The following SPOCK1 variants were observed in gnomAD, a reference collection of about 807,000 sequenced individuals.
SPOCK1 encodes the protein SPARC (osteonectin), cwcv and kazal like domains proteoglycan 1.
SPOCK1 carries 23 observed loss-of-function variants against 55.3 expected under a neutral mutation model. The ratio of observed to expected loss-of-function variants is 0.42; its 90% CI spans 0.30 to 0.59. SPOCK1 has a LOEUF of 0.59. Among genes scored for constraint, SPOCK1 ranks in the 20% least tolerant of loss-of-function variants. The pLI is 0.22. For synonymous variants in SPOCK1, 226 were observed against 221.0 expected (o/e 1.02, Z -0.20); for missense variants, 499 against 552.5 (o/e 0.90, Z 0.97).
chr5:137,087,150 G>A (rs996231744), intron 5 of SPOCK1, among the ~76,000 whole-genome samples: 1 of 152,206 alleles, frequency 6.6e-6, no homozygotes, highest in Non-Finnish European at 1.5e-5. Flanking sequence ...GAATGGTGAA[G>A]GGAGCCAGGC....
At chr5:137,169,202 T>TG (rs1754702262) in intron 3 of SPOCK1, among the ~76,000 whole-genome samples, 2 of 151,754 alleles carry the variant, frequency 1.3e-5, no homozygotes, top group Admixed American at 1.3e-4. Flanking sequence ...TGTGAGGGGT[T>TG]GGGGGGAAGT....
At chr5:137,425,390 G>A (rs979396046) in intron 2 of SPOCK1, among the ~76,000 whole-genome samples, 3 of 151,754 alleles carry the variant, frequency 2.0e-5, no homozygotes, top group South Asian at 2.1e-4. Flanking sequence ...TCTGTGTCAC[G>A]TCAAACATCC....
rs1484951338 is a variant in SPOCK1 at position 137,076,359 on chromosome 5, G to A, written c.475-8530C>T. Reference sequence around the variant, plus strand: ...TTGACTAGAGCCTAGCATATCACAAGTACAGGTGCTCCTGAACTTACTATG... The same window carrying A: ...TTGACTAGAGCCTAGCATATCACAAATACAGGTGCTCCTGAACTTACTATG... On this transcript the variant is annotated intron_variant, in intron 5 of 10. Transcript: ENST00000394945. 6.6e-5 allele frequency among the ~76,000 whole-genome samples: 10 copies of A among 152,282 alleles called. 1 individual carries two copies. The Middle Eastern group carries it at 0.02, about 311-fold the overall frequency.
intron 3 of SPOCK1, among the ~76,000 whole-genome samples, chr5:137,226,345 T>C (rs1755946780): frequency 6.6e-6 from 1 of 152,188 alleles, no homozygotes; most frequent in Admixed American, 6.5e-5. Flanking sequence ...ACCAAACTAA[T>C]CTGTTTAACA....
At chr5:137,023,930 T>C (rs1028153109) in intron 6 of SPOCK1, among the ~76,000 whole-genome samples, 3 of 151,514 alleles carry the variant, frequency 2.0e-5, no homozygotes, top group Non-Finnish European at 4.4e-5. Flanking sequence ...CATGGTGAAA[T>C]TGGATCTAAT....
At chr5:137,351,742 T>C (rs1561512278) in intron 2 of SPOCK1, among the ~76,000 whole-genome samples, 1 of 152,354 alleles carries the variant, frequency 6.6e-6, no homozygotes, top group Admixed American at 6.5e-5. Context: ...CCACCTTTCA[T>C]GCATCCTTTA....
At chr5:137,466,748 TA>T (rs1245771412) in intron 2 of SPOCK1, among the ~76,000 whole-genome samples, 1 of 152,228 alleles carries the variant, frequency 6.6e-6, no homozygotes, top group African/African-American at 2.4e-5. Flanking sequence ...CATTTGTAGC[TA>T]AAAACCTAAC....
At chr5:137,344,371 G>A (rs1322547267) in intron 2 of SPOCK1, among the ~76,000 whole-genome samples, 2 of 152,214 alleles carry the variant, frequency 1.3e-5, no homozygotes, top group Admixed American at 6.5e-5. Flanking sequence ...TCACATTTGC[G>A]TGAATAACCT....
chr5:137,064,891 C>A (rs941548546), intron 6 of SPOCK1, among the ~76,000 whole-genome samples: 1 of 152,120 alleles, frequency 6.6e-6, no homozygotes, highest in Non-Finnish European at 1.5e-5. Context: ...CTCACTCCCC[C>A]AAATGTGTTC....
At chr5:137,315,663 T>C (rs1180078450) in intron 2 of SPOCK1, among the ~76,000 whole-genome samples, 1 of 152,170 alleles carries the variant, frequency 6.6e-6, no homozygotes, top group East Asian at 1.9e-4. Flanking sequence ...TTATTTGCCA[T>C]CTTCTCCTCT....
At chr5:137,296,051 C>T (rs544499741) in intron 2 of SPOCK1, among the ~76,000 whole-genome samples, 2 of 152,216 alleles carry the variant, frequency 1.3e-5, no homozygotes, top group East Asian at 1.9e-4. Flanking sequence ...GGGATTAGTG[C>T]CCTCATAAAA....
At chr5:137,031,712 C>T (rs1751782713) in intron 6 of SPOCK1, among the ~76,000 whole-genome samples, 1 of 152,136 alleles carries the variant, frequency 6.6e-6, no homozygotes, top group African/African-American at 2.4e-5. Context: ...TTATCAGACC[C>T]TGTTTTTTAA....
intron 5 of SPOCK1, among the ~76,000 whole-genome samples, chr5:137,109,636 C>T (rs1046645729): frequency 5.3e-5 from 8 of 152,088 alleles, no homozygotes; most frequent in South Asian, 2.1e-4. Flanking sequence ...CCTGCTTAGA[C>T]GGTTTCAATA....
intron 3 of SPOCK1, among the ~76,000 whole-genome samples, chr5:137,246,960 TG>T (rs1756407261): frequency 1.3e-5 from 2 of 152,098 alleles, no homozygotes; most frequent in Non-Finnish European, 2.9e-5. Context: ...TCTCCGCGGG[TG>T]GAGCCCAGGA....
At chr5:137,324,404 C>T (rs1343742522) in intron 2 of SPOCK1, among the ~76,000 whole-genome samples, 1 of 152,072 alleles carries the variant, frequency 6.6e-6, no homozygotes, top group Non-Finnish European at 1.5e-5. Context: ...AAGATCACAC[C>T]ACTGCACTCC....
chr5:136,993,503 A>G (rs1335214746), intron 6 of SPOCK1, among the ~76,000 whole-genome samples: 1 of 152,194 alleles, frequency 6.6e-6, no homozygotes, highest in Non-Finnish European at 1.5e-5. Flanking sequence ...TAGAGAACCC[A>G]GCAATGCATT....
intron 3 of SPOCK1, among the ~76,000 whole-genome samples, chr5:137,156,092 T>C (rs1168675925): frequency 6.6e-6 from 1 of 152,080 alleles, no homozygotes; most frequent in African/African-American, 2.4e-5. Flanking sequence ...CCAGATAGGG[T>C]AGCACCACAA....
intron 2 of SPOCK1, among the ~76,000 whole-genome samples, chr5:137,468,899 T>G (rs1753676378): frequency 6.6e-6 from 1 of 152,162 alleles, no homozygotes; most frequent in African/African-American, 2.4e-5. Flanking sequence ...TGCCGACAAC[T>G]GTCCCCTCAC....
chr5:137,398,758 G>A (rs139911272), intron 2 of SPOCK1, among the ~76,000 whole-genome samples: 48 of 152,216 alleles, frequency 3.2e-4, no homozygotes, highest in East Asian at 2.5e-3. Flanking sequence ...TTAAGTGATC[G>A]ATAAAATCTA....
Sources: gnomAD v4.1 joint callset for allele counts (sites outside exome capture counted in the v4.1 genomes callset) on GRCh38, gnomAD v4.1.1 for gene constraint, MANE v1.5 for transcripts, NCBI Gene and HGNC (gene_info 2026-07-23, HGNC 2026-07-21) for gene names.